STAG1: variants seen among roughly 807,000 people sequenced by gnomAD.
The protein encoded by STAG1 is STAG1 cohesin complex component, also known as cohesin subunit SA-1.
STAG1 carries 26 observed loss-of-function variants against 170.9 expected under a neutral mutation model. The ratio of observed to expected loss-of-function variants is 0.15; its 90% CI spans 0.11 to 0.21. STAG1 has a LOEUF of 0.21. STAG1 is among the 10% of genes least tolerant of loss of function. The pLI, the probability that STAG1 is intolerant of heterozygous loss-of-function variation, is 1.00. For synonymous variants in STAG1, 514 were observed against 497.7 expected, an observed-to-expected ratio of 1.03 and a Z score of -0.44; for missense variants, 964 against 1,509.5, an observed-to-expected ratio of 0.64 and a Z score of 5.99.
intron 4 of STAG1, among the ~76,000 whole-genome samples, chr3:136,576,330 A>G (rs1243537658): frequency 6.6e-6 from 1 of 152,166 alleles, no homozygotes; most frequent in Admixed American, 6.5e-5. Flanking sequence ...GTATGGAAAA[A>G]TTCAACTTGT....
chr3:136,385,948 C>T (rs1395617267), intron 22 of STAG1, among the ~76,000 whole-genome samples: 8 of 152,274 alleles, frequency 5.3e-5, no homozygotes, highest in East Asian at 3.9e-4. Flanking sequence ...ACAATCCTCC[C>T]GCCTCAGCCT....
chr3:136,675,822 T>C (rs1302698118), intron 1 of STAG1, among the ~76,000 whole-genome samples: 2 of 152,214 alleles, frequency 1.3e-5, no homozygotes, highest in Non-Finnish European at 2.9e-5. Context: ...CATATGTTGC[T>C]TGACTGTATT....
chr3:136,397,422 A>G (rs1234767190), intron 22 of STAG1, among the ~76,000 whole-genome samples: 1 of 151,456 alleles, frequency 6.6e-6, no homozygotes, highest in Non-Finnish European at 1.5e-5. Flanking sequence ...ACCATTATAG[A>G]ACACTTAATC....
intron 1 of STAG1, among the ~76,000 whole-genome samples, chr3:136,656,171 A>T (rs1941363628): frequency 6.6e-6 from 1 of 152,162 alleles, no homozygotes; most frequent in Non-Finnish European, 1.5e-5. Flanking sequence ...AAATAAAAAA[A>T]AAAAACACCA....
At chr3:136,533,247 A>G (rs1016273758) in intron 6 of STAG1, among the ~76,000 whole-genome samples, 1 of 152,184 alleles carries the variant, frequency 6.6e-6, no homozygotes, top group African/African-American at 2.4e-5. Context: ...GATGAAAGAA[A>G]CTGAAGAGGA....
chr3:136,446,413 A>G (rs2088778527), intron 14 of STAG1, among the ~76,000 whole-genome samples: 1 of 150,648 alleles, frequency 6.6e-6, no homozygotes, highest in East Asian at 2.0e-4. Flanking sequence ...CTTTCCCTTC[A>G]TTGTTTTTTT....
At chr3:136,399,789 G>C (rs750522421) in intron 21 of STAG1, among the ~76,000 whole-genome samples, 2 of 152,026 alleles carry the variant, frequency 1.3e-5, no homozygotes, top group African/African-American at 4.8e-5. Flanking sequence ...GTCCCAAAGA[G>C]TTTTTCCTTA....
chr3:136,569,252 A>T (rs1291106301), intron 4 of STAG1, among the ~76,000 whole-genome samples: 1 of 152,084 alleles, frequency 6.6e-6, no homozygotes, highest in Admixed American at 6.5e-5. Context: ...GCATAAAAAG[A>T]ATGCAAATAA....
intron 1 of STAG1, among the ~76,000 whole-genome samples, chr3:136,741,664 C>T (rs2107951762): frequency 6.6e-6 from 1 of 152,270 alleles, no homozygotes; most frequent in African/African-American, 2.4e-5. Context: ...GATGGGGTTT[C>T]TCCACGTTGG....
At chr3:136,450,527 T>A (rs766087794) in intron 14 of STAG1, among the ~76,000 whole-genome samples, 5 of 152,192 alleles carry the variant, frequency 3.3e-5, no homozygotes, top group African/African-American at 7.2e-5. Flanking sequence ...ACTGACTGAG[T>A]TCTTCTCCAA....
chr3:136,396,515 C>CAGGCTGTAACACAGTTTTAAAG, intron 22 of STAG1, among the ~76,000 whole-genome samples: 2 of 121,788 alleles, frequency 1.6e-5, no homozygotes, highest in African/African-American at 6.8e-5. Flanking sequence ...GCCACCGCGC[C>CAGGCTGTAACACAGTTTTAAAG]TGGCCTTTTT....
chr3:136,340,743 G>A, intron 31 of STAG1, 138 bp from the exon 32 acceptor site: 1 of 592,074 alleles, frequency 1.7e-6, no homozygotes, highest in East Asian at 2.9e-5. Flanking sequence ...AAATTAGACT[G>A]AATTCCAAGA....
At chr3:136,541,538 T>TCACACACACACACACACACACACACA (rs59155124) in intron 6 of STAG1, among the ~76,000 whole-genome samples, 22 of 123,214 alleles carry the variant, frequency 1.8e-4, no homozygotes, top group Non-Finnish European at 3.5e-4. Flanking sequence ...AGCTTAACAT[T>TCACACACACACACACACACACACACA]CACACACACA....
At chr3:136,392,760 C>T (rs1375630644) in intron 22 of STAG1, among the ~76,000 whole-genome samples, 42 of 87,554 alleles carry the variant, frequency 4.8e-4, no homozygotes, top group Middle Eastern at 6.2e-3. Flanking sequence ...AGCCAGGCTC[C>T]GTCTCAAAAA....
rs1371816839 is a variant in STAG1 at position 136,420,838 on chromosome 3, G to A, written c.2108+255C>T. Among the ~76,000 whole-genome samples, 8 of 152,204 alleles carry A rather than the reference G, an allele frequency of 5.3e-5. No individual in the cohort carries two copies. The East Asian group carries it at 1.2e-3, about 22-fold the overall frequency. On this transcript the variant is annotated intron_variant, in intron 20 of 33. Coordinates refer to ENST00000383202, the MANE Select transcript of STAG1 (RefSeq NM_005862.3). ...TGCCCAGGCTAGAGTGCAGAGGCAC[G>A]ATCTCGGCTCACGACAACCCCCACC...
At chr3:136,559,343 T>C (rs761484256) in intron 5 of STAG1, among the ~76,000 whole-genome samples, 4 of 151,720 alleles carry the variant, frequency 2.6e-5, no homozygotes, top group Non-Finnish European at 5.9e-5. Flanking sequence ...ACCCACAAAA[T>C]ACCAGTAATG....
At chr3:136,549,053 C>T (rs1237542161) in intron 5 of STAG1, among the ~76,000 whole-genome samples, 7 of 152,178 alleles carry the variant, frequency 4.6e-5, no homozygotes, top group Non-Finnish European at 8.8e-5. Context: ...AACATTAAAC[C>T]TCTTTACTTT....
At chr3:136,464,716 GATTCACCATGT>G (rs1473178139) in intron 13 of STAG1, among the ~76,000 whole-genome samples, 154 bp downstream of exon 13, 1 of 152,186 alleles carries the variant, frequency 6.6e-6, no homozygotes, top group African/African-American at 2.4e-5. Context: ...TCAAGGCTGT[GATTCACCATGT>G]ATACATAGGC....
chr3:136,568,904 G>T, intron 4 of STAG1, 43 bp from the exon 5 acceptor site: 1 of 1,414,170 alleles, frequency 7.1e-7, no homozygotes, highest in Non-Finnish European at 9.8e-7. Flanking sequence ...AAAAAAATTT[G>T]ATATTATAGC....
Sources: gnomAD v4.1 joint callset for allele counts (sites outside exome capture counted in the v4.1 genomes callset) on GRCh38, gnomAD v4.1.1 for gene constraint, MANE v1.5 for transcripts, NCBI Gene and HGNC (gene_info 2026-07-23, HGNC 2026-07-21) for gene names.